Variants in LSM11 observed in about 807,000 individuals in gnomAD.
LSM11 encodes LSM11, U7 small nuclear RNA associated, also known as U7 snRNA-associated Sm-like protein LSm11.
In LSM11, 14 loss-of-function variants were observed where a neutral mutation model predicts 28.1. That is an observed-to-expected ratio of 0.50 (90% CI 0.33 to 0.78). The LOEUF (loss-of-function observed/expected upper bound fraction) is 0.78. LSM11 is among the 30% of genes least tolerant of loss of function. The probability of loss-of-function intolerance (pLI) is 0.02; values close to 1 mark genes in which losing one functional copy is unlikely to be tolerated. For synonymous variants in LSM11, 207 were observed against 214.2 expected, an observed-to-expected ratio of 0.97 and a Z score of 0.30; for missense variants, 495 against 510.6, an observed-to-expected ratio of 0.97 and a Z score of 0.30.
chr5:157,743,805 C>A lies in LSM11; in HGVS notation c.55C>A (p.Pro19Thr). 2 of 1,482,980 alleles carry A rather than the reference C, an allele frequency of 1.3e-6. No homozygotes were observed. Among genetic ancestry groups the A allele is most frequent in the South Asian group, 1.3e-5 (1 of 77,194 alleles). 91.9% of individuals were successfully genotyped at this position (1,482,980 alleles called of 1,614,324 possible). A position where few individuals can be genotyped will look rare whatever the true frequency, so the allele number is the denominator to read the frequency against. ...RSAGAGSPARPPSPRLDVSSD... is the reference protein window; with the variant it reads ...RSAGAGSPARTPSPRLDVSSD... ...GGCTGGCGCCGGGAGCCCCGCGCGC[C>A]CGCCCAGCCCGCGGCTGGATGTCAG... The change falls in exon 1 of 4, where the codon CCG becomes ACG. Residue 19 changes from proline to threonine, a missense_variant. By Grantham distance (38) the Pro-to-Thr change is conservative. Transcript: ENST00000286307.
At chr5:157,751,663 CT>C in intron 2 of LSM11, 134 bp downstream of exon 2, 2 of 1,014,534 alleles carry the variant, frequency 2.0e-6, no homozygotes, top group Non-Finnish European at 2.9e-6. Flanking sequence ...TTTTTGCATA[CT>C]TTTGGGCAAC....
chr5:157,754,759 G>GAA, intron 3 of LSM11, 95 bp from the exon 4 acceptor site: 2 of 939,064 alleles, frequency 2.1e-6, no homozygotes, highest in Non-Finnish European at 3.1e-6. Context: ...GGAGTCCACA[G>GAA]AACATAATTA....
chr5:157,760,531 C>G lies in LSM11; in HGVS notation c.*5267C>G, dbSNP rs1761391787. The G allele has an allele frequency of 6.6e-6, 1 of 152,116 alleles. No homozygotes were observed. Among genetic ancestry groups the G allele is most frequent in the African/African-American group, 2.4e-5 (1 of 41,398 alleles). The allele number at this position is 152,116 out of a possible 1,614,324, so 9.4% of individuals were successfully genotyped here. On this transcript the variant is annotated 3_prime_UTR_variant, in exon 4 of 4. Transcript: ENST00000286307. Reference sequence around the variant, plus strand: ...ATCTATAGTTTCACTGCTCATATACCAGCTGCTACAAGAAAAACCATGACT... The same window carrying G: ...ATCTATAGTTTCACTGCTCATATACGAGCTGCTACAAGAAAAACCATGACT...
chr5:157,757,708 A>C lies in LSM11; in HGVS notation c.*2444A>C, dbSNP rs566819212. 2 of 152,220 alleles carry C rather than the reference A, an allele frequency of 1.3e-5. No homozygotes were observed. The highest frequency in any genetic ancestry group is 4.8e-5 in the African/African-American group (2 of 41,454). The allele number at this position is 152,220 out of a possible 1,614,324, so 9.4% of individuals were successfully genotyped here. A position where few individuals can be genotyped will look rare whatever the true frequency, so the allele number is the denominator to read the frequency against. ...CAACACTGCGTATACCTGTGTGGCTATCCTCATCTGCCTGCCCTCTCATCC... is the reference window on the plus strand; with the variant it reads ...CAACACTGCGTATACCTGTGTGGCTCTCCTCATCTGCCTGCCCTCTCATCC... On this transcript the variant is annotated 3_prime_UTR_variant, in exon 4 of 4. Coordinates refer to ENST00000286307, the MANE Select transcript of LSM11 (RefSeq NM_173491.4).
At chr5:157,754,630 C>T (rs112858189) in intron 3 of LSM11, among the ~76,000 whole-genome samples, 12,605 of 143,684 alleles carry the variant, frequency 0.088, 605 homozygotes, top group African/African-American at 0.11. Context: ...AGGTGGAGGT[C>T]GCAGTGAGCT....
intron 1 of LSM11, among the ~76,000 whole-genome samples, chr5:157,746,591 T>G (rs1761151527): frequency 2.0e-5 from 3 of 152,218 alleles, no homozygotes; most frequent in African/African-American, 7.2e-5. Context: ...GTGGAGCAGT[T>G]GTATTCTTTT....
Position 157,751,484 on chromosome 5 carries a change from C to T in LSM11, c.543C>T (p.Gly181=), listed in dbSNP as rs756506193. ...TCCGCACTTTCAAGGGACTTCGGGG[C>T]GTCTGTACAGGCTTCCTTGTTGCAT... The part of the protein sequence containing the change: ...VHIRTFKGLR[G]VCTGFLVAFD... The change falls in exon 2 of 4, where the codon GGC becomes GGT. Residue 181 remains glycine (G), a synonymous_variant. Coordinates refer to ENST00000286307, the MANE Select transcript of LSM11 (RefSeq NM_173491.4). 6.8e-6 allele frequency: 11 copies of T among 1,612,760 alleles called. No individual in the cohort carries two copies. Among genetic ancestry groups the T allele is most frequent in the Middle Eastern group, 3.3e-4 (2 of 6,058 alleles).
intron 1 of LSM11, among the ~76,000 whole-genome samples, chr5:157,748,580 T>A (rs62387759): frequency 1.1e-3 from 168 of 152,306 alleles, no homozygotes; most frequent in Non-Finnish European, 1.7e-3. Context: ...ATATAAGCCC[T>A]GCATCTGGGG....
In LSM11 at chr5:157,754,083, C is replaced by A. The variant is rs1469477031; in HGVS notation, c.668C>A (p.Thr223Asn). Residue 223 changes from threonine to asparagine, a missense_variant, in exon 3 of 4, where the codon ACT (threonine) becomes AAT (asparagine). Coordinates refer to ENST00000286307, the MANE Select transcript of LSM11 (RefSeq NM_173491.4). ...AYERDSSLTL[T>N]RLFDRLKLQD... Reference sequence around the variant, plus strand: ...GAACGGGATTCTTCACTGACTCTCACTAGGGTAGGCAGTTTTCCCCTGACC... The same window carrying A: ...GAACGGGATTCTTCACTGACTCTCAATAGGGTAGGCAGTTTTCCCCTGACC... 1 of 1,561,940 alleles carries A rather than the reference C, an allele frequency of 6.4e-7. No individual in the cohort carries two copies. Among genetic ancestry groups the A allele is most frequent in the South Asian group, 1.2e-5 (1 of 82,222 alleles).
intron 2 of LSM11, among the ~76,000 whole-genome samples, chr5:157,752,491 T>A (rs1381024661): frequency 1.3e-5 from 2 of 152,062 alleles, no homozygotes; most frequent in South Asian, 2.1e-4. Flanking sequence ...GGCTTACTTT[T>A]TTTCTAGACA....
At chr5:157,748,717 T>C (rs1252469591) in intron 1 of LSM11, among the ~76,000 whole-genome samples, 1 of 152,200 alleles carries the variant, frequency 6.6e-6, no homozygotes, top group Non-Finnish European at 1.5e-5. Context: ...AGGCAAGTTT[T>C]AGGTCTTTAA....
Position 157,753,864 on chromosome 5 carries a change from G to T in LSM11, c.589-140G>T, listed in dbSNP as rs1381225916. 9 of 460,484 alleles carry T rather than the reference G, an allele frequency of 2.0e-5. No homozygotes were observed. The East Asian group carries it at 3.2e-4, about 16-fold the overall frequency. The allele number at this position is 460,484 out of a possible 1,614,324, so 28.5% of individuals were successfully genotyped here. On this transcript the variant is annotated intron_variant, in intron 2 of 3. Transcript: ENST00000286307. The stretch of plus-strand genomic sequence containing the variant: ...GTACCAGGTGTCACCATTTTCTTCT[G>T]CCTAGGAGCTGAGTCATCTGTTAAG...
At chr5:157,748,718 A>G (rs1369677175) in intron 1 of LSM11, among the ~76,000 whole-genome samples, 1 of 152,168 alleles carries the variant, frequency 6.6e-6, no homozygotes, top group African/African-American at 2.4e-5. Flanking sequence ...GGCAAGTTTT[A>G]GGTCTTTAAA....
chr5:157,754,137 T>C, intron 3 of LSM11, 50 bp downstream of exon 3: 2 of 1,303,100 alleles, frequency 1.5e-6, no homozygotes, highest in Non-Finnish European at 2.1e-6. Context: ...CTTTCCAGCT[T>C]AGGAATTAAG....
chr5:157,751,329 C>A, intron 1 of LSM11, 61 bp from the exon 2 acceptor site: 1 of 1,498,758 alleles, frequency 6.7e-7, no homozygotes, highest in South Asian at 1.4e-5. Context: ...GTGGTCGTGG[C>A]TTAATTCTGG....
rs568606964 is a variant in LSM11 at position 157,759,572 on chromosome 5, G to A, written c.*4308G>A. ...TGTATTTTTTGTGAATGAAACTGTT[G>A]CTGTAGGAAAGTCAAGGTTCATGTA... is the stretch of plus-strand genomic sequence containing the variant. On this transcript the variant is annotated 3_prime_UTR_variant, in exon 4 of 4. Transcript: ENST00000286307. 6.6e-6 allele frequency: 1 copy of A among 152,274 alleles called. No individual in the cohort carries two copies. Among genetic ancestry groups the A allele is most frequent in the East Asian group, 1.9e-4 (1 of 5,188 alleles). The allele number at this position is 152,274 out of a possible 1,614,324, so 9.4% of individuals were successfully genotyped here.
In LSM11 at chr5:157,743,735, T is replaced by A. The variant is rs1189977966; in HGVS notation, c.-16T>A. 1 of 1,342,326 alleles carries A rather than the reference T, an allele frequency of 7.4e-7. No individual in the cohort carries two copies. The allele number at this position is 1,342,326 out of a possible 1,614,324, so 83.2% of individuals were successfully genotyped here. A position where few individuals can be genotyped will look rare whatever the true frequency, so the allele number is the denominator to read the frequency against. On this transcript the variant is annotated 5_prime_UTR_variant, in exon 1 of 4. Coordinates refer to ENST00000286307, the MANE Select transcript of LSM11 (RefSeq NM_173491.4). ...TTCCTTCTTCCCATCGGCCTCGGCTTGCGGGCCTTTCAAACATGGAGGAGC... is the reference window on the plus strand; with the variant it reads ...TTCCTTCTTCCCATCGGCCTCGGCTAGCGGGCCTTTCAAACATGGAGGAGC...
rs147549610 is a variant in LSM11, at chr5:157,756,202, A to G, written c.*938A>G. On this transcript the variant is annotated 3_prime_UTR_variant, in exon 4 of 4. Coordinates refer to ENST00000286307, the MANE Select transcript of LSM11 (RefSeq NM_173491.4). ...TCCAGGCAGGGCCAGCATGTGTAGA[A>G]TATCTTTCAGAATATGGTTTCACCA... The G allele has an allele frequency of 6.5e-6, 1 of 153,102 alleles. No homozygotes were observed. Among genetic ancestry groups the G allele is most frequent in the Non-Finnish European group, 1.5e-5 (1 of 68,318 alleles). The allele number at this position is 153,102 out of a possible 1,614,324, so 9.5% of individuals were successfully genotyped here.
intron 1 of LSM11, among the ~76,000 whole-genome samples, chr5:157,750,781 G>A (rs575856701): frequency 2.4e-4 from 36 of 151,678 alleles, no homozygotes; most frequent in Non-Finnish European, 4.3e-4. Context: ...TTGCGTGCCC[G>A]TGTGTGTGTG....
Sources: gnomAD v4.1 joint callset for allele counts (sites outside exome capture counted in the v4.1 genomes callset) on GRCh38, gnomAD v4.1.1 for gene constraint, MANE v1.5 for transcripts, NCBI Gene and HGNC (gene_info 2026-07-23, HGNC 2026-07-21) for gene names.